The following EPB41L4A variants were observed in gnomAD, a reference collection of about 807,000 sequenced individuals.
The protein encoded by EPB41L4A is band 4.1-like protein 4A.
A neutral mutation model predicts 108.6 loss-of-function variants in EPB41L4A; 100 were observed. That is an observed-to-expected ratio of 0.92 (90% CI 0.78 to 1.09). The LOEUF is 1.09. Ranked by LOEUF, EPB41L4A falls within the 50% of genes least tolerant of loss-of-function variation. EPB41L4A has a pLI of 0.00. For missense variants in EPB41L4A, 1,030 were observed against 842.7 expected (o/e 1.22, Z -2.75); for synonymous variants, 319 against 289.0 (o/e 1.10, Z -1.05).
At chr5:112,225,278 G>A (rs1020923781) in intron 12 of EPB41L4A, among the ~76,000 whole-genome samples, 2 of 152,162 alleles carry the variant, frequency 1.3e-5, no homozygotes, top group Admixed American at 6.5e-5. Flanking sequence ...GGACTTATAT[G>A]CCATCTTATG....
chr5:112,396,543 A>T (rs189605255), intron 1 of EPB41L4A, among the ~76,000 whole-genome samples: 17 of 152,338 alleles, frequency 1.1e-4, no homozygotes, highest in African/African-American at 3.8e-4. Context: ...CATCAAGCTG[A>T]GTGGTTCTGG....
At chr5:112,234,283 G>A (rs1186935528) in intron 12 of EPB41L4A, among the ~76,000 whole-genome samples, 1 of 151,582 alleles carries the variant, frequency 6.6e-6, no homozygotes, top group Non-Finnish European at 1.5e-5. Flanking sequence ...TCAGCTACCT[G>A]AGGTCAGAAC....
intron 3 of EPB41L4A, among the ~76,000 whole-genome samples, chr5:112,277,237 G>GGAA (rs1301195049): frequency 6.6e-6 from 1 of 152,102 alleles, no homozygotes; most frequent in Non-Finnish European, 1.5e-5. Flanking sequence ...GTGCACAAAG[G>GGAA]GAAGAGGCCT....
At chr5:112,199,395 C>T (rs1762113661) in intron 15 of EPB41L4A, among the ~76,000 whole-genome samples, 1 of 152,124 alleles carries the variant, frequency 6.6e-6, no homozygotes, top group Non-Finnish European at 1.5e-5. Context: ...TTTTCCATGG[C>T]CACAATCTCT....
chr5:112,355,673 A>G (rs1311814616), intron 1 of EPB41L4A, among the ~76,000 whole-genome samples: 1 of 152,182 alleles, frequency 6.6e-6, no homozygotes, highest in Non-Finnish European at 1.5e-5. Context: ...GCCGAAGAAC[A>G]CCACCCATGG....
At chr5:112,271,188 G>A (rs1752239181) in intron 4 of EPB41L4A, among the ~76,000 whole-genome samples, 1 of 152,100 alleles carries the variant, frequency 6.6e-6, no homozygotes, top group South Asian at 2.1e-4. Context: ...AGGCTAGAGG[G>A]GATAGTAAAA....
intron 13 of EPB41L4A, among the ~76,000 whole-genome samples, chr5:112,207,326 T>A (rs1015022394): frequency 6.6e-6 from 1 of 152,174 alleles, no homozygotes; most frequent in African/African-American, 2.4e-5. Flanking sequence ...TGAAAATACA[T>A]CTTAGAAGAA....
intron 12 of EPB41L4A, among the ~76,000 whole-genome samples, chr5:112,220,773 C>T (rs1747988595): frequency 6.6e-6 from 1 of 152,184 alleles, no homozygotes; most frequent in Non-Finnish European, 1.5e-5. Flanking sequence ...TAGAAGGTAA[C>T]TCTCTGACCT....
intron 10 of EPB41L4A, among the ~76,000 whole-genome samples, chr5:112,240,445 G>T (rs773052793): frequency 2.0e-5 from 3 of 152,082 alleles, no homozygotes; most frequent in Non-Finnish European, 4.4e-5. Context: ...ATGGCTGCAT[G>T]TTTTACATAA....
intron 4 of EPB41L4A, among the ~76,000 whole-genome samples, chr5:112,272,677 A>G (rs372105515): frequency 5.4e-5 from 8 of 148,172 alleles, no homozygotes; most frequent in African/African-American, 2.0e-4. Flanking sequence ...GCTACTCGGG[A>G]GGCTAAGGCA....
Position 112,149,594 on chromosome 5 carries a change from C to T in EPB41L4A, n.995-3596G>A, listed in dbSNP as rs569606455. 4.7e-4 allele frequency among the ~76,000 whole-genome samples: 72 copies of T among 152,306 alleles called. 1 individual carries two copies. The highest frequency in any genetic ancestry group is 1.6e-3 in the African/African-American group (66 of 41,560). Reference sequence around the variant, plus strand: ...ATTAGTGATAAGCCCTTCTAATGTTCTTAAACTGGATAGTTTTTCAAGGAA... The same window carrying T: ...ATTAGTGATAAGCCCTTCTAATGTTTTTAAACTGGATAGTTTTTCAAGGAA... On this transcript the variant is annotated intron_variant and non_coding_transcript_variant, in intron 12 of 13. Coordinates refer to the EPB41L4A transcript ENST00000507810.
intron 18 of EPB41L4A, chr5:112,173,661 T>A (rs201566850): frequency 1.5e-5 from 2 of 130,020 alleles, no homozygotes; most frequent in African/African-American, 5.7e-5. Flanking sequence ...TTTTTTTTTT[T>A]GAGAGAGAGT....
At chr5:112,160,482 T>C (rs1759820324), downstream of EPB41L4A, 1 of 152,256 alleles carries the variant, frequency 6.6e-6, no homozygotes, top group Non-Finnish European at 1.5e-5. Context: ...TAAATATCTT[T>C]CGAATGAATG....
chr5:112,344,003 C>G (rs1201318302), intron 1 of EPB41L4A, among the ~76,000 whole-genome samples: 1 of 152,160 alleles, frequency 6.6e-6, no homozygotes, highest in Admixed American at 6.5e-5. Flanking sequence ...CTGTAGTATG[C>G]TACGATTGTG....
chr5:112,145,344 C>T (rs1359516644), intron 13 of EPB41L4A, among the ~76,000 whole-genome samples: 1 of 152,100 alleles, frequency 6.6e-6, no homozygotes, highest in African/African-American at 2.4e-5. Flanking sequence ...TCTTCTGCAC[C>T]ACCATTTTAG....
chr5:112,242,260 T>C (rs576680317), intron 9 of EPB41L4A, among the ~76,000 whole-genome samples: 1 of 152,382 alleles, frequency 6.6e-6, no homozygotes, highest in East Asian at 1.9e-4. Context: ...ACCCTACCAC[T>C]ACTTTATCAA....
At chr5:112,293,513 A>G (rs1209279818) in intron 2 of EPB41L4A, among the ~76,000 whole-genome samples, 2 of 152,216 alleles carry the variant, frequency 1.3e-5, no homozygotes, top group African/African-American at 4.8e-5. Context: ...CATGGAAGAA[A>G]CATTCATGCC....
At chr5:112,204,337 G>A (rs1303079374) in intron 15 of EPB41L4A, 38 bp downstream of exon 15, 5 of 1,422,016 alleles carry the variant, frequency 3.5e-6, no homozygotes, top group Non-Finnish European at 5.0e-6. Context: ...AAATGCTTCT[G>A]TTGAAAGCTG....
intron 12 of EPB41L4A, among the ~76,000 whole-genome samples, chr5:112,220,931 C>A (rs1354923212): frequency 6.6e-6 from 1 of 152,112 alleles, no homozygotes; most frequent in Non-Finnish European, 1.5e-5. Flanking sequence ...TAGAATATAC[C>A]CTTTTGTCCT....
Sources: allele counts gnomAD v4.1 joint callset (sites outside exome capture counted in the v4.1 genomes callset), GRCh38; gene constraint gnomAD v4.1.1; transcripts MANE v1.5; gene names NCBI Gene and HGNC (gene_info 2026-07-23, HGNC 2026-07-21).